Variants in CFAP54 observed in about 807,000 individuals in gnomAD.
CFAP54 encodes the protein cilia and flagella associated protein 54, also known as cilia- and flagella-associated protein 54.
Under a neutral mutation model 370.4 loss-of-function variants are expected in CFAP54, and 290 were observed. The ratio of observed to expected loss-of-function variants is 0.78; its 90% CI spans 0.71 to 0.86. The LOEUF (loss-of-function observed/expected upper bound fraction) is 0.86. CFAP54 is among the 40% of genes least tolerant of loss of function. CFAP54 has a pLI of 0.00. For missense variants in CFAP54, 3,399 were observed against 3,528.7 expected (o/e 0.96, Z 0.93); for synonymous variants, 1,206 against 1,236.5 (o/e 0.98, Z 0.52).
chr12:96,563,409 G>T (rs927835132), intron 17 of CFAP54, among the ~76,000 whole-genome samples: 1 of 152,122 alleles, frequency 6.6e-6, no homozygotes, highest in Non-Finnish European at 1.5e-5. Context: ...ATTCAATAAT[G>T]GTTGCCTGTT....
At chr12:96,623,608 C>A (rs1956523371) in intron 27 of CFAP54, among the ~76,000 whole-genome samples, 159 bp from the exon 28 acceptor site, 1 of 152,140 alleles carries the variant, frequency 6.6e-6, no homozygotes, top group African/African-American at 2.4e-5. Flanking sequence ...AGCACAATAA[C>A]TGTTATTATT....
chr12:96,652,301 C>T (rs924279678), intron 36 of CFAP54, among the ~76,000 whole-genome samples: 19 of 152,114 alleles, frequency 1.2e-4, no homozygotes, highest in Admixed American at 2.0e-4. Flanking sequence ...ATAACCTAAA[C>T]GCATTGAAAA....
intron 55 of CFAP54, among the ~76,000 whole-genome samples, chr12:96,752,085 T>TGAGAGAGAGAGA (rs55648812): frequency 0.077 from 6,952 of 90,410 alleles, 919 homozygotes; most frequent in Non-Finnish European, 0.096. Flanking sequence ...TCTTCCTGGA[T>TGAGAGAGAGAGA]GAGAGAGAGA....
At chr12:96,580,401 T>C (rs1956021201) in intron 20 of CFAP54, among the ~76,000 whole-genome samples, 196 bp from the exon 21 acceptor site, 1 of 152,184 alleles carries the variant, frequency 6.6e-6, no homozygotes, top group African/African-American at 2.4e-5. Context: ...TAATGAATAA[T>C]ATCTTAGTCT....
At chr12:96,528,729 C>T (rs1680625821) in intron 9 of CFAP54, among the ~76,000 whole-genome samples, 1 of 152,106 alleles carries the variant, frequency 6.6e-6, no homozygotes, top group Non-Finnish European at 1.5e-5. Flanking sequence ...TGCAAAGAAA[C>T]AATATTTGAC....
At chr12:96,622,542 G>C (rs1006798029) in intron 27 of CFAP54, among the ~76,000 whole-genome samples, 1 of 152,076 alleles carries the variant, frequency 6.6e-6, no homozygotes, top group African/African-American at 2.4e-5. Flanking sequence ...TAGAGATGGG[G>C]TTTCACCATG....
At chr12:96,547,333 C>T (rs1161502521) in intron 14 of CFAP54, among the ~76,000 whole-genome samples, 1 of 152,064 alleles carries the variant, frequency 6.6e-6, no homozygotes, top group Admixed American at 6.6e-5. Flanking sequence ...ATTACAGGCA[C>T]GCGCCACCAT....
intron 67 of CFAP54, among the ~76,000 whole-genome samples, chr12:96,870,462 T>A (rs1960127792): frequency 6.6e-6 from 1 of 152,188 alleles, no homozygotes; most frequent in Non-Finnish European, 1.5e-5. Context: ...TTTTACCACC[T>A]GCATGAATTT....
At chr12:96,825,196 T>C (rs1361834026) in intron 65 of CFAP54, among the ~76,000 whole-genome samples, 1 of 142,364 alleles carries the variant, frequency 7.0e-6, no homozygotes, top group Admixed American at 7.6e-5. Context: ...ATCCTAGATA[T>C]TATATACATA....
chr12:96,649,932 G>A lies in CFAP54; in HGVS notation c.4732G>A (p.Asp1578Asn). The A allele has an allele frequency of 1.9e-6, 3 of 1,608,820 alleles. No homozygotes were observed. Among genetic ancestry groups the A allele is most frequent in the Non-Finnish European group, 2.5e-6 (3 of 1,176,936 alleles). ...TACATTTATTAATTCCATAATGAGTGATGAAAATATGTCCAAGACACAAAC... is the reference window on the plus strand; with the variant it reads ...TACATTTATTAATTCCATAATGAGTAATGAAAATATGTCCAAGACACAAAC... ...FSTFINSIMS[D>N]ENMSKTQTVY... is the part of the protein sequence containing the mutation. The change falls in exon 35 of 68, where the codon GAT (aspartate) becomes AAT (asparagine). Residue 1578 changes from aspartate to asparagine, a missense_variant. By Grantham distance (23) the Asp-to-Asn change is conservative (BLOSUM62 1). Transcript: ENST00000524981.
intron 14 of CFAP54, among the ~76,000 whole-genome samples, chr12:96,547,187 T>G (rs149955147): frequency 6.6e-6 from 1 of 152,172 alleles, no homozygotes; most frequent in East Asian, 1.9e-4. Context: ...GCTTTTATAT[T>G]TATTTATTTA....
intron 22 of CFAP54, among the ~76,000 whole-genome samples, chr12:96,584,674 A>C (rs552585899): frequency 6.6e-6 from 1 of 151,690 alleles, no homozygotes; most frequent in East Asian, 1.9e-4. Context: ...CAATGACAGT[A>C]ATACTTGTTT....
At chr12:96,566,491 T>A (rs1048530296) in intron 19 of CFAP54, among the ~76,000 whole-genome samples, 8 of 152,114 alleles carry the variant, frequency 5.3e-5, no homozygotes, top group Non-Finnish European at 1.0e-4. Context: ...GGATTAGATT[T>A]TTTTTAAAAA....
chr12:96,529,592 C>A (rs941860753), intron 9 of CFAP54, among the ~76,000 whole-genome samples: 1 of 152,148 alleles, frequency 6.6e-6, no homozygotes, highest in African/African-American at 2.4e-5. Context: ...TTAAATTTCT[C>A]TGATGACTAA....
chr12:96,540,730 TGA>T, intron 13 of CFAP54, 105 bp from the exon 14 acceptor site: 7 of 609,774 alleles, frequency 1.1e-5, no homozygotes, highest in Non-Finnish European at 1.7e-5. Context: ...CATTTCCATA[TGA>T]TTAGAAGATG....
intron 60 of CFAP54, among the ~76,000 whole-genome samples, chr12:96,768,455 C>G (rs1958424381): frequency 6.6e-6 from 1 of 152,090 alleles, no homozygotes; most frequent in African/African-American, 2.4e-5. Flanking sequence ...GAGTTCAAGA[C>G]CAGCCTGGCC....
At chr12:96,867,575 G>A (rs959904759) in intron 67 of CFAP54, among the ~76,000 whole-genome samples, 9 of 152,118 alleles carry the variant, frequency 5.9e-5, no homozygotes, top group African/African-American at 2.2e-4. Context: ...ATATTATTCC[G>A]CCTTAAAAAG....
intron 26 of CFAP54, among the ~76,000 whole-genome samples, chr12:96,620,751 G>T (rs1470015393): frequency 6.6e-6 from 1 of 152,164 alleles, no homozygotes; most frequent in Non-Finnish European, 1.5e-5. Context: ...CAGATTGCTG[G>T]CCAGGGCAGC....
chr12:96,870,034 T>C (rs1183114445), intron 67 of CFAP54, among the ~76,000 whole-genome samples: 3 of 146,652 alleles, frequency 2.0e-5, no homozygotes, highest in Non-Finnish European at 1.5e-5. Context: ...GATGCCGAGG[T>C]GGGCGGATCA....
Sources: allele counts gnomAD v4.1 joint callset (sites outside exome capture counted in the v4.1 genomes callset), GRCh38; gene constraint gnomAD v4.1.1; transcripts MANE v1.5; gene names NCBI Gene and HGNC (gene_info 2026-07-23, HGNC 2026-07-21).